The following DLGAP2 variants were observed in gnomAD, a reference collection of about 807,000 sequenced individuals.
The protein encoded by DLGAP2 is disks large-associated protein 2.
DLGAP2 carries 26 observed loss-of-function variants against 100.3 expected under a neutral mutation model. The ratio of observed to expected loss-of-function variants is 0.26; its 90% CI spans 0.19 to 0.36. The LOEUF is 0.36. Among genes scored for constraint, DLGAP2 ranks in the 10% least tolerant of loss-of-function variants. The pLI is 1.00. For synonymous variants in DLGAP2, 886 were observed against 630.1 expected (o/e 1.41, Z -6.08); for missense variants, 1,858 against 1,453.2 (o/e 1.28, Z -4.53).
intron 2 of DLGAP2, among the ~76,000 whole-genome samples, chr8:937,134 G>A (rs191163598): frequency 3.9e-5 from 6 of 152,270 alleles, no homozygotes; most frequent in East Asian, 3.9e-4. Flanking sequence ...TCCTGAGGAC[G>A]CTCCTCAAGT....
Position 780,392 on chromosome 8 carries a change from A to G in DLGAP2, c.18+42567A>G, listed in dbSNP as rs373015937. Among the ~76,000 whole-genome samples, 376 of 152,336 alleles carry G rather than the reference A, an allele frequency of 2.5e-3. 1 individual carries two copies. Among genetic ancestry groups the G allele is most frequent in the African/African-American group, 8.9e-3 (369 of 41,578 alleles). ...ACGTTTTCCTTATTCATCCATTGAC[A>G]GACACGTAGGTTGATTCCATATCTT... On this transcript the variant is annotated intron_variant, in intron 1 of 14. Coordinates refer to ENST00000637795, the MANE Select transcript of DLGAP2 (RefSeq NM_001346810.2).
chr8:1,322,471 C>G (rs1235657649), intron 3 of DLGAP2, among the ~76,000 whole-genome samples: 1 of 152,104 alleles, frequency 6.6e-6, no homozygotes, highest in Non-Finnish European at 1.5e-5. Context: ...CGTGCACCCG[C>G]CCAGCATGCT....
intron 3 of DLGAP2, among the ~76,000 whole-genome samples, chr8:1,497,666 G>T (rs1341540632): frequency 6.6e-6 from 1 of 152,180 alleles, no homozygotes; most frequent in Non-Finnish European, 1.5e-5. Flanking sequence ...GAAGAACATG[G>T]CTCTACCTAT....
In DLGAP2 at chr8:1,052,061, C is replaced by T. The variant is rs552498087; in HGVS notation, c.73+144095C>T. 2.0e-5 allele frequency among the ~76,000 whole-genome samples: 3 copies of T among 152,302 alleles called. No individual in the cohort carries two copies. The South Asian group carries it at 6.2e-4, about 32-fold the overall frequency. On this transcript the variant is annotated intron_variant, in intron 2 of 14. Transcript: ENST00000637795. Reference sequence around the variant, plus strand: ...CCAGGCTCAACACGCCTGCCGCCAGCACGCGCCTGCCAACTGCACACTGAC... The same window carrying T: ...CCAGGCTCAACACGCCTGCCGCCAGTACGCGCCTGCCAACTGCACACTGAC...
At chr8:1,029,511 C>T (rs1024457226) in intron 2 of DLGAP2, among the ~76,000 whole-genome samples, 7 of 151,460 alleles carry the variant, frequency 4.6e-5, no homozygotes, top group African/African-American at 9.7e-5. Flanking sequence ...GGGCGTCCAG[C>T]GGTGCCGAGA....
intron 1 of DLGAP2, among the ~76,000 whole-genome samples, chr8:811,539 A>G (rs55895306): frequency 6.4e-5 from 9 of 141,440 alleles, no homozygotes; most frequent in African/African-American, 1.9e-4. Flanking sequence ...AGCTCCCATC[A>G]TCCTTGGAAT....
chr8:1,077,150 G>T (rs899241402), intron 2 of DLGAP2, among the ~76,000 whole-genome samples: 1 of 152,240 alleles, frequency 6.6e-6, no homozygotes, highest in Non-Finnish European at 1.5e-5. Context: ...TTCATGCAGT[G>T]TTCTCCATGT....
chr8:1,203,007 C>T (rs899860287), intron 2 of DLGAP2, among the ~76,000 whole-genome samples: 4 of 152,170 alleles, frequency 2.6e-5, no homozygotes, highest in African/African-American at 7.2e-5. Context: ...TTCTCCTCGC[C>T]ACCACCCCAT....
At chr8:1,638,015 T>C (rs1470434566) in intron 8 of DLGAP2, among the ~76,000 whole-genome samples, 1 of 152,112 alleles carries the variant, frequency 6.6e-6, no homozygotes, top group Admixed American at 6.5e-5. Flanking sequence ...GCACCTCAGC[T>C]CTGGGATTCG....
intron 3 of DLGAP2, among the ~76,000 whole-genome samples, chr8:1,325,515 C>A (rs143591585): frequency 6.6e-6 from 1 of 152,212 alleles, no homozygotes; most frequent in Non-Finnish European, 1.5e-5. Flanking sequence ...CTGTAAAAAA[C>A]TTTGTACGCA....
At chr8:1,349,551 T>C (rs1778432859) in intron 3 of DLGAP2, among the ~76,000 whole-genome samples, 1 of 146,010 alleles carries the variant, frequency 6.8e-6, no homozygotes, top group Non-Finnish European at 1.5e-5. Context: ...CCCGCCCACA[T>C]CCACACACAG....
chr8:1,536,188 C>T (rs561318482), intron 4 of DLGAP2, among the ~76,000 whole-genome samples: 7 of 152,090 alleles, frequency 4.6e-5, no homozygotes, highest in African/African-American at 9.7e-5. Flanking sequence ...GCCAGGGCAC[C>T]GTGGTTCTGG....
intron 2 of DLGAP2, among the ~76,000 whole-genome samples, chr8:982,329 A>C (rs1436430016): frequency 6.6e-6 from 1 of 152,208 alleles, no homozygotes; most frequent in Non-Finnish European, 1.5e-5. Flanking sequence ...TTTTACTGTA[A>C]TAATTTTTAT....
chr8:908,103 A>G (rs893179147), intron 2 of DLGAP2, 137 bp downstream of exon 2: 1 of 392,876 alleles, frequency 2.5e-6, no homozygotes, highest in Admixed American at 4.4e-5. Context: ...TTGCGTATTA[A>G]CTAACTGTAA....
intron 2 of DLGAP2, among the ~76,000 whole-genome samples, chr8:914,017 G>A (rs962872119): frequency 3.9e-5 from 6 of 152,238 alleles, no homozygotes; most frequent in South Asian, 2.1e-4. Flanking sequence ...AGGCCAGGGA[G>A]TGGTATTTAC....
At chr8:1,462,806 C>G (rs2130160875) in intron 3 of DLGAP2, among the ~76,000 whole-genome samples, 1 of 152,330 alleles carries the variant, frequency 6.6e-6, no homozygotes, top group Middle Eastern at 3.4e-3. Context: ...GATACAGCAG[C>G]CCTCAGGCCC....
intron 3 of DLGAP2, among the ~76,000 whole-genome samples, chr8:1,276,188 C>G (rs897543985): frequency 3.3e-5 from 5 of 149,770 alleles, no homozygotes; most frequent in South Asian, 4.2e-4. Flanking sequence ...AGGAGTTGCT[C>G]TCTCTCAACT....
chr8:1,166,834 C>T (rs1382495272), intron 2 of DLGAP2, among the ~76,000 whole-genome samples: 1 of 152,088 alleles, frequency 6.6e-6, no homozygotes, highest in Non-Finnish European at 1.5e-5. Context: ...TGGTTTTCTA[C>T]ATATGGATAA....
intron 12 of DLGAP2, chr8:1,680,453 G>C (rs958023117): frequency 1.3e-5 from 2 of 152,226 alleles, no homozygotes; most frequent in African/African-American, 2.4e-5. Flanking sequence ...CTTAAGGTCT[G>C]AACCTATGAA....
Sources: gnomAD v4.1 joint callset for allele counts (sites outside exome capture counted in the v4.1 genomes callset) on GRCh38, gnomAD v4.1.1 for gene constraint, MANE v1.5 for transcripts, NCBI Gene and HGNC (gene_info 2026-07-23, HGNC 2026-07-21) for gene names.